Variants in NRSN1 observed in about 807,000 individuals in gnomAD.
The protein encoded by NRSN1 is neurensin-1.
NRSN1 carries 14 observed loss-of-function variants against 17.3 expected under a neutral mutation model. The ratio of observed to expected loss-of-function variants is 0.81; its 90% confidence interval spans 0.54 to 1.27. NRSN1 has a LOEUF of 1.27. NRSN1 is among the 50% of genes most tolerant of loss of function. The pLI is 0.00. For synonymous variants in NRSN1, 79 were observed against 94.2 expected (o/e 0.84, Z 0.93); for missense variants, 209 against 235.9 (o/e 0.89, Z 0.75).
Position 24,126,228 on chromosome 6 carries a change from G to C in NRSN1, c.-195G>C, listed in dbSNP as rs1439726404. On this transcript the variant is annotated 5_prime_UTR_variant, in exon 1 of 4. Coordinates refer to ENST00000378491, the MANE Select transcript of NRSN1 (RefSeq NM_080723.5). ...GGACTCCCAGCTGTCAATCAGGCGC[G>C]GGCTGAGCTCTACGAGGCGGAGCGG... 1 of 187,822 alleles carries C rather than the reference G, an allele frequency of 5.3e-6. No homozygotes were observed. Among genetic ancestry groups the C allele is most frequent in the East Asian group, 1.4e-4 (1 of 7,130 alleles). The allele number at this position is 187,822 out of a possible 1,614,324, so 11.6% of individuals were successfully genotyped here.
chr6:24,126,786 C>G (rs1429422184), intron 1 of NRSN1, among the ~76,000 whole-genome samples: 1 of 152,180 alleles, frequency 6.6e-6, no homozygotes, highest in African/African-American at 2.4e-5. Context: ...TGTGCCACGT[C>G]TGAAGATGTT....
chr6:24,135,190 C>T (rs904935655), intron 3 of NRSN1, among the ~76,000 whole-genome samples: 1 of 152,130 alleles, frequency 6.6e-6, no homozygotes, highest in Non-Finnish European at 1.5e-5. Context: ...AACAAAGAAA[C>T]CACATGATAG....
chr6:24,137,109 T>C (rs1760128588), intron 3 of NRSN1, among the ~76,000 whole-genome samples: 1 of 152,238 alleles, frequency 6.6e-6, no homozygotes, highest in Non-Finnish European at 1.5e-5. Context: ...CTCCTTTCCC[T>C]GCTTCCACTG....
intron 3 of NRSN1, chr6:24,141,248 C>T: frequency 3.2e-6 from 4 of 1,261,882 alleles, no homozygotes; most frequent in Non-Finnish European, 4.0e-6. Flanking sequence ...GGGACCAATT[C>T]GACTTTGAAC....
At chr6:24,140,904 C>T (rs1760193685) in intron 3 of NRSN1, 1 of 1,304,818 alleles carries the variant, frequency 7.7e-7, no homozygotes, top group Admixed American at 3.8e-5. Context: ...TCTTTCCTTT[C>T]CAATTTTCCT....
chr6:24,129,186 CT>C (rs1192764810), intron 2 of NRSN1: 1 of 152,192 alleles, frequency 6.6e-6, no homozygotes, highest in Non-Finnish European at 1.5e-5. Flanking sequence ...CCCTTTACCT[CT>C]TGATGATGCC....
At chr6:24,132,849 C>T (rs923491964) in intron 2 of NRSN1, among the ~76,000 whole-genome samples, 1 of 152,098 alleles carries the variant, frequency 6.6e-6, no homozygotes, top group African/African-American at 2.4e-5. Flanking sequence ...CCCCTTGCTC[C>T]CCACCCCCTG....
At chr6:24,142,190 G>GTTT (rs1554140614) in intron 3 of NRSN1, among the ~76,000 whole-genome samples, 2 of 20,060 alleles carry the variant, frequency 1.0e-4, no homozygotes, top group East Asian at 7.8e-4. Flanking sequence ...ATACAGAACA[G>GTTT]CTTTTTTTTT....
intron 3 of NRSN1, among the ~76,000 whole-genome samples, chr6:24,135,305 TAC>T (rs777676315): frequency 3.3e-5 from 5 of 152,168 alleles, no homozygotes; most frequent in South Asian, 2.1e-4. Flanking sequence ...TCTCAAGGAA[TAC>T]CAGGATGAGT....
intron 3 of NRSN1, among the ~76,000 whole-genome samples, chr6:24,137,931 G>GGGAGAGTACAGCATGTTCA (rs1760142348): frequency 6.6e-6 from 1 of 152,110 alleles, no homozygotes; most frequent in Admixed American, 6.5e-5. Context: ...TAAGAGTCAT[G>GGGAGAGTACAGCATGTTCA]GGAGAGTACA....
chr6:24,145,843 A>G lies in NRSN1; in HGVS notation c.485A>G (p.Lys162Arg). The G allele has an allele frequency of 6.2e-7, 1 of 1,614,220 alleles. No individual in the cohort carries two copies. The highest frequency in any genetic ancestry group is 8.5e-7 in the Non-Finnish European group (1 of 1,180,032). ...QKFKERIADI[K>R]AHTQPVTKAP... ...TTTAAAGAACGAATCGCAGACATCA[A>G]AGCCCACACCCAGCCGGTTACAAAA... is the stretch of plus-strand genomic sequence containing the variant. Residue 162 changes from lysine (K) to arginine (R), a missense_variant, in exon 4 of 4, where the codon AAA becomes AGA. Physicochemically the swap from Lys to Arg is conservative, Grantham distance 26 (BLOSUM62 2). Transcript: ENST00000378491. This position sits in a 1 kb window ranked among gnomAD's most constrained non-coding sequence, Gnocchi z 4.4.
chr6:24,136,479 G>A (rs1045618341), intron 3 of NRSN1, among the ~76,000 whole-genome samples: 1 of 151,874 alleles, frequency 6.6e-6, no homozygotes, highest in Non-Finnish European at 1.5e-5. Flanking sequence ...CCAATGAAAT[G>A]CACAGCCAAG....
At chr6:24,139,039 C>T (rs1449898873) in intron 3 of NRSN1, among the ~76,000 whole-genome samples, 1 of 152,112 alleles carries the variant, frequency 6.6e-6, no homozygotes, top group Non-Finnish European at 1.5e-5. Flanking sequence ...ACTATAGTCA[C>T]CATGTTGTAC....
chr6:24,132,470 G>A (rs1195733200), intron 2 of NRSN1, among the ~76,000 whole-genome samples: 2 of 152,166 alleles, frequency 1.3e-5, no homozygotes. Flanking sequence ...TGGCTTAATA[G>A]AAAAATAACC....
rs748964840 is a variant in NRSN1, at chr6:24,145,975, T to A, written c.*29T>A. The A allele has an allele frequency of 6.3e-7, 1 of 1,580,206 alleles. No individual in the cohort carries two copies. The highest frequency in any genetic ancestry group is 8.6e-7 in the Non-Finnish European group (1 of 1,164,906). ...CTTTCCCACCCCAGTTCTTCTTGTC[T>A]GATTTATGCCCGTGGTTAAAAAGAG... On this transcript the variant is annotated 3_prime_UTR_variant, in exon 4 of 4. Transcript: ENST00000378491. The surrounding 1 kb of genome is among the most constrained non-coding windows in gnomAD (Gnocchi z 4.4).
intron 2 of NRSN1, 31 bp from the exon 3 acceptor site, chr6:24,134,288 G>A (rs1760084086): frequency 6.3e-7 from 1 of 1,583,362 alleles, no homozygotes; most frequent in Non-Finnish European, 8.7e-7. Context: ...AAAGCCTGTG[G>A]CATTAATCCA....
chr6:24,144,327 G>T (rs1376799541), intron 3 of NRSN1, among the ~76,000 whole-genome samples: 2 of 152,140 alleles, frequency 1.3e-5, no homozygotes, highest in African/African-American at 4.8e-5. Flanking sequence ...TAGTTACAAA[G>T]ACTGTCCATG....
intron 3 of NRSN1, among the ~76,000 whole-genome samples, chr6:24,138,275 A>C (rs535886549): frequency 2.0e-5 from 3 of 152,220 alleles, no homozygotes; most frequent in East Asian, 3.9e-4. Context: ...CTTCTAATTT[A>C]TCCCACTGCC....
chr6:24,146,602 C>T lies in NRSN1; in HGVS notation c.*656C>T. The T allele has an allele frequency of 5.3e-6, 1 of 189,880 alleles. No individual in the cohort carries two copies. Among genetic ancestry groups the T allele is most frequent in the Non-Finnish European group, 1.1e-5 (1 of 91,650 alleles). The allele number at this position is 189,880 out of a possible 1,614,324, so 11.8% of individuals were successfully genotyped here. On this transcript the variant is annotated 3_prime_UTR_variant, in exon 4 of 4. Coordinates refer to ENST00000378491, the MANE Select transcript of NRSN1 (RefSeq NM_080723.5). ...CATAGCGCACTGCAGCCTTGAACTCCTGGGCTCAAGCGATCCTCCCACCTC... is the reference window on the plus strand; with the variant it reads ...CATAGCGCACTGCAGCCTTGAACTCTTGGGCTCAAGCGATCCTCCCACCTC...
Sources: allele counts gnomAD v4.1 joint callset (sites outside exome capture counted in the v4.1 genomes callset), GRCh38; gene constraint gnomAD v4.1.1; non-coding constraint Gnocchi (gnomAD v3.1); transcripts MANE v1.5; gene names NCBI Gene and HGNC (gene_info 2026-07-23, HGNC 2026-07-21).